Variants in HEPH observed in about 807,000 individuals in gnomAD.
HEPH encodes hephaestin.
A neutral mutation model predicts 80.8 loss-of-function variants in HEPH; 69 were observed. The observed-to-expected ratio is 0.85, with a 90% CI of 0.70 to 1.04. The LOEUF (loss-of-function observed/expected upper bound fraction) is 1.04. Among genes scored for constraint, HEPH ranks in the 50% least tolerant of loss-of-function variants. The pLI, the probability that HEPH is intolerant of heterozygous loss-of-function variation, is 0.00. For synonymous variants in HEPH, 431 were observed against 322.8 expected, an observed-to-expected ratio of 1.34 and a Z score of -3.60; for missense variants, 1,115 against 891.3, an observed-to-expected ratio of 1.25 and a Z score of -3.20.
At chrX:66,196,230 G>A (rs971699054) in intron 9 of HEPH, among the ~76,000 whole-genome samples, 6 of 111,258 alleles carry the variant, frequency 5.4e-5, no homozygotes, top group Non-Finnish European at 1.1e-4. Flanking sequence ...CATGATGTTT[G>A]TATTCTACTT....
At chrX:66,172,142 A>G in intron 2 of HEPH, among the ~76,000 whole-genome samples, 1 of 112,429 alleles carries the variant, frequency 8.9e-6, no homozygotes. Context: ...ATGTGGGTTT[A>G]AAGTGGTCAA....
chrX:66,204,188 G>T (rs756121938), intron 13 of HEPH, among the ~76,000 whole-genome samples: 31 of 111,654 alleles, frequency 2.8e-4, no homozygotes, highest in Non-Finnish European at 5.8e-4. Flanking sequence ...CATGGAAATT[G>T]TATATATCAC....
At chrX:66,251,345 C>T (rs1446766232) in intron 15 of HEPH, among the ~76,000 whole-genome samples, 1 of 112,139 alleles carries the variant, frequency 8.9e-6, no homozygotes, top group Non-Finnish European at 1.9e-5. Flanking sequence ...TCAGTTGTTC[C>T]ACATCCTTGC....
rs1374785855 is a variant in HEPH, at chrX:66,172,381, A to G, written c.194A>G (p.Asp65Gly). ...GTGGCTTCCAGCTTCTTAAAGTCTG[A>G]CAAGAACCGGATAGGGGGAACCTAC... is the stretch of plus-strand genomic sequence containing the variant. The part of the protein sequence containing the change: ...DIVASSFLKS[D>G]KNRIGGTYKK... The change falls in exon 3 of 21, where the codon GAC becomes GGC. Residue 65 changes from aspartate (D) to glycine (G), a missense_variant. Physicochemically the swap from Asp to Gly is moderately conservative, Grantham distance 94. This residue lies in a region of HEPH where 391 missense variants were observed against 343.6 expected (regional missense o/e 1.14). Coordinates refer to ENST00000343002, the MANE Select transcript of HEPH (RefSeq NM_001367233.3). The G allele has an allele frequency of 8.4e-7, 1 of 1,187,829 alleles. No homozygotes were observed. The highest frequency in any genetic ancestry group is 1.1e-6 in the Non-Finnish European group (1 of 884,190).
At chrX:66,239,991 C>T (rs1001151624) in intron 15 of HEPH, among the ~76,000 whole-genome samples, 11 of 111,401 alleles carry the variant, frequency 9.9e-5, no homozygotes, top group Admixed American at 3.8e-4. Flanking sequence ...AGTCCATACT[C>T]CTGAGAAACA....
At chrX:66,202,268 G>A (rs890540166) in intron 12 of HEPH, among the ~76,000 whole-genome samples, 1 of 111,579 alleles carries the variant, frequency 9.0e-6, no homozygotes, top group Non-Finnish European at 1.9e-5. Context: ...AACAGTCAGA[G>A]TTCCATGTAG....
intron 15 of HEPH, among the ~76,000 whole-genome samples, chrX:66,211,968 C>T (rs1379718240): frequency 9.0e-6 from 1 of 110,865 alleles, no homozygotes; most frequent in Non-Finnish European, 1.9e-5. Context: ...TGTAAGAGTT[C>T]CCTTTTCTCT....
At chrX:66,211,081 T>G (rs898764957) in intron 15 of HEPH, among the ~76,000 whole-genome samples, 1 of 111,444 alleles carries the variant, frequency 9.0e-6, no homozygotes, top group Non-Finnish European at 1.9e-5. Flanking sequence ...TTAACAGTCA[T>G]AAGTAATTAC....
In HEPH at chrX:66,170,626, A is replaced by G; in HGVS notation, c.56A>G (p.Gln19Arg). 8.3e-7 allele frequency: 1 copy of G among 1,210,573 alleles called. No individual in the cohort carries two copies. Among genetic ancestry groups the G allele is most frequent in the Non-Finnish European group, 1.1e-6 (1 of 894,672 alleles). Residue 19 changes from glutamine to arginine, a missense_variant, in exon 2 of 21, where the codon CAA becomes CGA. Physicochemically the swap from Gln to Arg is conservative, Grantham distance 43 (BLOSUM62 1). Transcript: ENST00000343002. ...ALLFMQSLWP[Q>R]LTDGATRVYY... ...CTGTTCATGCAGTCCTTGTGGCCTC[A>G]ACTGACTGATGGAGCCACTCGAGTC...
intron 15 of HEPH, among the ~76,000 whole-genome samples, chrX:66,233,750 A>C (rs183160049): frequency 9.1e-6 from 1 of 110,478 alleles, no homozygotes; most frequent in Admixed American, 9.7e-5. Flanking sequence ...GAATATATAC[A>C]TTTCCAAAAA....
chrX:66,254,796 C>A (rs1301219071), intron 15 of HEPH, among the ~76,000 whole-genome samples: 2 of 78,560 alleles, frequency 2.5e-5, no homozygotes, highest in Admixed American at 2.0e-4. Context: ...AAAAAAGTAG[C>A]AAGGCTGCCT....
intron 13 of HEPH, among the ~76,000 whole-genome samples, chrX:66,204,864 T>A (rs949209760): frequency 1.2e-4 from 13 of 112,161 alleles, no homozygotes; most frequent in Non-Finnish European, 2.4e-4. Context: ...TTTTTAAAAA[T>A]ATAATATTAG....
At chrX:66,233,810 G>T (rs746074807) in intron 15 of HEPH, among the ~76,000 whole-genome samples, 23 of 110,711 alleles carry the variant, frequency 2.1e-4, no homozygotes, top group Non-Finnish European at 3.0e-4. Context: ...CTGAACCAAA[G>T]TCTTGATTTT....
chrX:66,240,916 G>A (rs959347738), intron 15 of HEPH, among the ~76,000 whole-genome samples: 3 of 111,770 alleles, frequency 2.7e-5, no homozygotes, highest in African/African-American at 9.8e-5. Flanking sequence ...ATTACACCAG[G>A]CCCAGTGGAT....
At chrX:66,249,284 T>A (rs1291640307) in intron 15 of HEPH, among the ~76,000 whole-genome samples, 1 of 111,886 alleles carries the variant, frequency 8.9e-6, no homozygotes, top group Non-Finnish European at 1.9e-5. Flanking sequence ...AGTGATATAA[T>A]ATCTATGAGC....
At chrX:66,231,136 A>G (rs780206158) in intron 15 of HEPH, among the ~76,000 whole-genome samples, 2 of 109,587 alleles carry the variant, frequency 1.8e-5, no homozygotes, top group South Asian at 8.0e-4. Flanking sequence ...ATTGATCTAT[A>G]TCTCTGTTTT....
chrX:66,179,039 G>A (rs2086961495), intron 4 of HEPH, among the ~76,000 whole-genome samples: 1 of 111,604 alleles, frequency 9.0e-6, no homozygotes, highest in Admixed American at 9.6e-5. Flanking sequence ...GTCCTAAATG[G>A]TATTGCCTAG....
Position 66,258,896 on chromosome X carries a change from C to T in HEPH, c.2953C>T (p.Arg985Ter), listed in dbSNP as rs2091266888. Residue 985 changes from arginine to a stop codon, truncating the protein, a stop_gained, in exon 18 of 21, where the codon CGA (arginine) becomes TGA (stop). Transcript: ENST00000343002. LOFTEE classifies it high-confidence loss of function. Reference protein sequence around the residue: ...LRGLTMYQGERVAWYMLAMGQ... With the variant: ...LRGLTMYQGE ...GGGTCTTACCATGTACCAAGGAGAA[C>T]GAGTGGCCTGGTACATGCTGGCCAT... The T allele has an allele frequency of 1.7e-6, 2 of 1,196,954 alleles. No individual in the cohort carries two copies. The highest frequency in any genetic ancestry group is 2.3e-6 in the Non-Finnish European group (2 of 888,008).
chrX:66,260,337 A>G (rs977565654), intron 19 of HEPH, 75 bp downstream of exon 19: 1 of 873,507 alleles, frequency 1.1e-6, no homozygotes, highest in Admixed American at 2.5e-5. Context: ...AATACCAAAA[A>G]GCCTCTTGAT....
Sources: allele counts gnomAD v4.1 joint callset (sites outside exome capture counted in the v4.1 genomes callset), GRCh38; gene constraint gnomAD v4.1.1; regional missense constraint gnomAD v4.1.1; transcripts MANE v1.5; gene names NCBI Gene and HGNC (gene_info 2026-07-23, HGNC 2026-07-21).